The following PIGK variants were observed in gnomAD, a reference collection of about 807,000 sequenced individuals.
The protein encoded by PIGK is GPI-anchor transamidase.
PIGK carries 42 observed loss-of-function variants against 50.6 expected under a neutral mutation model. The observed-to-expected ratio is 0.83, with a 90% CI of 0.65 to 1.07. The LOEUF is 1.07. Among genes scored for constraint, PIGK ranks in the 50% least tolerant of loss-of-function variants. The pLI, the probability that PIGK is intolerant of heterozygous loss-of-function variation, is 0.00. For synonymous variants in PIGK, 151 were observed against 156.0 expected (o/e 0.97, Z 0.24); for missense variants, 448 against 488.7 (o/e 0.92, Z 0.78).
At chr1:77,127,287 A>G (rs1471989186) in intron 9 of PIGK, among the ~76,000 whole-genome samples, 1 of 152,052 alleles carries the variant, frequency 6.6e-6, no homozygotes, top group African/African-American at 2.4e-5. Context: ...CTATCCAAGT[A>G]CTCCTAAAAT....
chr1:77,195,201 T>A, intron 3 of PIGK: 3 of 1,193,424 alleles, frequency 2.5e-6, no homozygotes, highest in Non-Finnish European at 3.7e-6. Context: ...CCGTGGGCGA[T>A]GAGAAAGGTG....
intron 8 of PIGK, among the ~76,000 whole-genome samples, chr1:77,155,289 A>C (rs1259756642): frequency 6.6e-6 from 1 of 152,232 alleles, no homozygotes; most frequent in East Asian, 1.9e-4. Context: ...ACTTCACTGC[A>C]AAACAGACAT....
chr1:77,092,080 G>C lies in PIGK; in HGVS notation c.*294C>G, dbSNP rs1171212330. On this transcript the variant is annotated 3_prime_UTR_variant, in exon 11 of 11. Transcript: ENST00000370812. ...CTTCACAATTGTTTCTTTTCCAAAT[G>C]AAAAGGGGATAAGGGGAAATTACTA... The C allele has an allele frequency of 5.9e-6, 1 of 169,068 alleles. No individual in the cohort carries two copies. Among genetic ancestry groups the C allele is most frequent in the Non-Finnish European group, 1.3e-5 (1 of 79,876 alleles). 10.5% of individuals were successfully genotyped at this position (169,068 alleles called of 1,614,324 possible).
In PIGK at chr1:77,157,454, C is replaced by T. The variant is rs184308788; in HGVS notation, c.814-2833G>A. The stretch of plus-strand genomic sequence containing the variant: ...ATAATCAATAGAAGTATTTTTTAAA[C>T]GATCATTAGATATTCAATGTGCAAG... On this transcript the variant is annotated intron_variant, in intron 8 of 10. Transcript: ENST00000370812. 1.6e-4 allele frequency among the ~76,000 whole-genome samples: 24 copies of T among 152,112 alleles called. 1 individual carries two copies. The East Asian group carries it at 3.9e-3, about 24-fold the overall frequency.
At chr1:77,165,700 G>A (rs373086455) in intron 5 of PIGK, among the ~76,000 whole-genome samples, 1 of 151,536 alleles carries the variant, frequency 6.6e-6, no homozygotes, top group African/African-American at 2.4e-5. Context: ...GTAATAGTAA[G>A]TTAAATGCTA....
At chr1:77,212,885 T>G (rs1014484945) in intron 1 of PIGK, among the ~76,000 whole-genome samples, 7 of 152,124 alleles carry the variant, frequency 4.6e-5, no homozygotes, top group Admixed American at 3.9e-4. Context: ...CCACTCTCCA[T>G]TGGACGGATC....
chr1:77,198,114 CAAAT>C (rs1404229012), intron 3 of PIGK, among the ~76,000 whole-genome samples: 2 of 151,958 alleles, frequency 1.3e-5, no homozygotes, highest in African/African-American at 4.8e-5. Flanking sequence ...ATTAGTAAAT[CAAAT>C]AAAAATTATC....
intron 3 of PIGK, among the ~76,000 whole-genome samples, chr1:77,174,616 A>G (rs892311473): frequency 2.6e-5 from 4 of 152,194 alleles, no homozygotes; most frequent in Admixed American, 2.0e-4. Flanking sequence ...TTTGGATCAG[A>G]GAAAGCATGC....
intron 3 of PIGK, among the ~76,000 whole-genome samples, chr1:77,175,873 C>T (rs903781059): frequency 3.9e-5 from 6 of 151,906 alleles, no homozygotes; most frequent in Non-Finnish European, 8.8e-5. Flanking sequence ...CACCTTATGG[C>T]CAAACTGATT....
chr1:77,195,892 T>C (rs1656023633), intron 3 of PIGK, among the ~76,000 whole-genome samples: 1 of 152,142 alleles, frequency 6.6e-6, no homozygotes, highest in Non-Finnish European at 1.5e-5. Context: ...GGGTATATTG[T>C]GTAATGCTGA....
chr1:77,194,510 A>G (rs1655985386), intron 3 of PIGK, among the ~76,000 whole-genome samples: 1 of 152,166 alleles, frequency 6.6e-6, no homozygotes, highest in African/African-American at 2.4e-5. Flanking sequence ...ACTAGAGGCT[A>G]TTATCCTAAG....
chr1:77,169,000 A>G (rs1474256427), intron 4 of PIGK, among the ~76,000 whole-genome samples: 2 of 152,132 alleles, frequency 1.3e-5, no homozygotes, highest in African/African-American at 4.8e-5. Context: ...AAGAAAGTTG[A>G]CACAGGAAAA....
intron 1 of PIGK, among the ~76,000 whole-genome samples, chr1:77,216,265 C>T (rs748152948): frequency 6.6e-6 from 1 of 152,022 alleles, no homozygotes; most frequent in East Asian, 1.9e-4. Context: ...AGAGAGGCAT[C>T]GCTTAAAGAG....
At position 77,166,769 on chromosome 1, in the gene PIGK, G is replaced by T; in HGVS notation, c.437C>A (p.Ser146Ter). The T allele has an allele frequency of 6.2e-7, 1 of 1,600,750 alleles. No individual in the cohort carries two copies. The highest frequency in any genetic ancestry group is 2.2e-5 in the East Asian group (1 of 44,598). Reference protein sequence around the residue: ...TGRIPPSTPRSKRLLSDDRSN... With the variant: ...TGRIPPSTPR ...TCTGTCATCAGAAAGAAGACGTTTT[G>T]ACCGAGGAGTACTAGGTGGGATCCT... Residue 146 changes from serine to a stop codon, truncating the protein, a stop_gained, in exon 5 of 11, where the codon TCA becomes TAA. Coordinates refer to ENST00000370812, the MANE Select transcript of PIGK (RefSeq NM_005482.3). LOFTEE classifies it high-confidence loss of function.
chr1:77,136,784 C>T (rs1018517335), intron 9 of PIGK, among the ~76,000 whole-genome samples: 1 of 152,164 alleles, frequency 6.6e-6, no homozygotes, highest in African/African-American at 2.4e-5. Flanking sequence ...CTCCCTGGAA[C>T]TCTAATTAGA....
intron 3 of PIGK, among the ~76,000 whole-genome samples, chr1:77,175,777 A>T (rs933408704): frequency 9.2e-5 from 14 of 152,074 alleles, no homozygotes; most frequent in Non-Finnish European, 1.3e-4. Flanking sequence ...TGAACATTTA[A>T]AAAAAAGCAC....
intron 8 of PIGK, 86 bp downstream of exon 8, chr1:77,161,209 C>T: frequency 1.4e-6 from 1 of 725,312 alleles, no homozygotes; most frequent in South Asian, 1.6e-5. Context: ...AAACAAGATC[C>T]TCTAGGAGTG....
intron 9 of PIGK, among the ~76,000 whole-genome samples, chr1:77,150,103 A>G (rs1242078225): frequency 6.6e-6 from 1 of 152,172 alleles, no homozygotes; most frequent in South Asian, 2.1e-4. Flanking sequence ...TATTAAAAGG[A>G]AAGTTTATAG....
chr1:77,134,967 T>A (rs995150459), intron 9 of PIGK, among the ~76,000 whole-genome samples: 2 of 152,132 alleles, frequency 1.3e-5, no homozygotes, highest in Non-Finnish European at 2.9e-5. Flanking sequence ...ACTATTACAC[T>A]GTGATCCGAA....
Sources: allele counts gnomAD v4.1 joint callset (sites outside exome capture counted in the v4.1 genomes callset), GRCh38; gene constraint gnomAD v4.1.1; transcripts MANE v1.5; gene names NCBI Gene and HGNC (gene_info 2026-07-23, HGNC 2026-07-21).